PDE5A: variants seen among roughly 807,000 people sequenced by gnomAD.
PDE5A encodes phosphodiesterase 5A.
PDE5A carries 67 observed loss-of-function variants against 110.2 expected under a neutral mutation model. The ratio of observed to expected loss-of-function variants is 0.61; its 90% confidence interval spans 0.50 to 0.75. The LOEUF is 0.75. PDE5A is among the 30% of genes least tolerant of loss of function. The pLI is 0.00. For synonymous variants in PDE5A, 328 were observed against 351.2 expected, an observed-to-expected ratio of 0.93 and a Z score of 0.74; for missense variants, 862 against 1,045.1, an observed-to-expected ratio of 0.82 and a Z score of 2.42.
chr4:119,509,484 T>A (rs1725668568), intron 15 of PDE5A, among the ~76,000 whole-genome samples: 2 of 152,014 alleles, frequency 1.3e-5, no homozygotes, highest in Non-Finnish European at 2.9e-5. Context: ...TGCTCATTTT[T>A]AATATTCCTA....
At chr4:119,568,372 G>T (rs17050695) in intron 3 of PDE5A, among the ~76,000 whole-genome samples, 44,547 of 151,918 alleles carry the variant, frequency 0.29, 6,570 homozygotes, top group East Asian at 0.38. Context: ...GAATGTTCAC[G>T]GGAACTATAA....
chr4:119,508,374 G>A (rs548967079), intron 15 of PDE5A, among the ~76,000 whole-genome samples: 1 of 152,068 alleles, frequency 6.6e-6, no homozygotes, highest in Non-Finnish European at 1.5e-5. Flanking sequence ...AAGCATAGTG[G>A]TTCTCTAATC....
chr4:119,557,867 A>G (rs1727598486), intron 7 of PDE5A, among the ~76,000 whole-genome samples: 1 of 152,200 alleles, frequency 6.6e-6, no homozygotes, highest in African/African-American at 2.4e-5. Context: ...AGTAGTCTTT[A>G]CTTATTTAAT....
At position 119,563,718 on chromosome 4, in the gene PDE5A, G is replaced by T. The variant is rs548461997; in HGVS notation, c.994-748C>A. Among the ~76,000 whole-genome samples, 11 of 152,242 alleles carry T rather than the reference G, an allele frequency of 7.2e-5. No homozygotes were observed. In the South Asian group the frequency reaches 1.9e-3, roughly 26 times the overall value. ...GAGGTTGCAGCGTTAAGTAGAAAAA[G>T]AACCTGAAAAGCACTGTATGTCTTT... On this transcript the variant is annotated intron_variant, in intron 5 of 20. Transcript: ENST00000354960.
intron 2 of PDE5A, among the ~76,000 whole-genome samples, chr4:119,603,837 C>T (rs1450296162): frequency 6.6e-6 from 1 of 152,176 alleles, no homozygotes; most frequent in Admixed American, 6.5e-5. Context: ...TTAAGAAACA[C>T]TGCCATACAG....
At chr4:119,564,460 C>T (rs541263424) in intron 5 of PDE5A, among the ~76,000 whole-genome samples, 19 of 152,002 alleles carry the variant, frequency 1.2e-4, no homozygotes, top group Admixed American at 2.6e-4. Context: ...TCTAAGAAAG[C>T]AATGAAGAAA....
At chr4:119,588,841 A>G (rs1728865432) in intron 3 of PDE5A, among the ~76,000 whole-genome samples, 1 of 152,182 alleles carries the variant, frequency 6.6e-6, no homozygotes, top group South Asian at 2.1e-4. Flanking sequence ...AAATGCTAAG[A>G]TATTAGCTAA....
chr4:119,607,271 T>C lies in PDE5A; in HGVS notation c.179A>G (p.Glu60Gly). Residue 60 changes from glutamate to glycine, a missense_variant, in exon 2 of 21, where the codon GAG becomes GGG. Coordinates refer to ENST00000354960, the MANE Select transcript of PDE5A (RefSeq NM_001083.4). ...TREMVNAWFA[E>G]RVHTIPVCKE... ...GCACACAGGGATGGTGTGAACTCTC[T>C]CAGCAAACCATGCATTGACCATTTC... The C allele has an allele frequency of 6.2e-7, 1 of 1,611,938 alleles. No individual in the cohort carries two copies. Among genetic ancestry groups the C allele is most frequent in the Non-Finnish European group, 8.5e-7 (1 of 1,179,792 alleles).
At chr4:119,567,672 T>G (rs956649165) in intron 3 of PDE5A, among the ~76,000 whole-genome samples, 6 of 152,170 alleles carry the variant, frequency 3.9e-5, no homozygotes, top group Non-Finnish European at 8.8e-5. Context: ...CTTTTGAAAT[T>G]TCTGCCCTTG....
In PDE5A at chr4:119,627,093, C is replaced by T. The variant is rs2110572990; in HGVS notation, c.152+1427G>A. The T allele has an allele frequency of 6.2e-7, 1 of 1,605,894 alleles. No homozygotes were observed. The highest frequency in any genetic ancestry group is 1.7e-4 in the Middle Eastern group (1 of 6,042). ...GGGCGCCACCACCCAGCACCCGAGA[C>T]CCGCCGCGCCCCCGGAAAAAGTGGG... is the stretch of plus-strand genomic sequence containing the variant. On this transcript the variant is annotated intron_variant, in intron 1 of 20. Coordinates refer to ENST00000354960, the MANE Select transcript of PDE5A (RefSeq NM_001083.4). This position sits in a 1 kb window ranked among gnomAD's most constrained non-coding sequence, Gnocchi z 4.6.
chr4:119,583,024 T>A (rs12648259), intron 3 of PDE5A, among the ~76,000 whole-genome samples: 115,368 of 152,098 alleles, frequency 0.76, 44,099 homozygotes, highest in East Asian at 0.89. Flanking sequence ...GCCCATAACA[T>A]CAGAGTCGGC....
At chr4:119,510,555 A>G (rs1725701913) in intron 15 of PDE5A, among the ~76,000 whole-genome samples, 1 of 152,038 alleles carries the variant, frequency 6.6e-6, no homozygotes, top group African/African-American at 2.4e-5. Context: ...TTTCCTTAAC[A>G]TAAGTATGTT....
intron 19 of PDE5A, among the ~76,000 whole-genome samples, chr4:119,501,619 G>A (rs1277924566): frequency 6.6e-6 from 1 of 152,118 alleles, no homozygotes; most frequent in Non-Finnish European, 1.5e-5. Flanking sequence ...CACAAAGCTG[G>A]CTCTAGAAAG....
intron 10 of PDE5A, chr4:119,542,114 GGGGA>G (rs1407246834): frequency 1.1e-5 from 2 of 188,274 alleles, no homozygotes; most frequent in Non-Finnish European, 2.2e-5. Flanking sequence ...ACGGAAAGAT[GGGGA>G]GGCTCAGGCA....
chr4:119,502,524 C>T, intron 19 of PDE5A, 57 bp downstream of exon 19: 1 of 1,019,440 alleles, frequency 9.8e-7, no homozygotes, highest in East Asian at 2.4e-5. Context: ...AAAAAGGAGT[C>T]TACAATTAAA....
intron 1 of PDE5A, among the ~76,000 whole-genome samples, chr4:119,613,958 CATG>C (rs1729845413): frequency 6.6e-6 from 1 of 151,600 alleles, no homozygotes; most frequent in Non-Finnish European, 1.5e-5. Flanking sequence ...CAGTGCTTGC[CATG>C]AAGAAGGCAC....
At chr4:119,610,234 C>G (rs1729696317) in intron 1 of PDE5A, among the ~76,000 whole-genome samples, 1 of 152,140 alleles carries the variant, frequency 6.6e-6, no homozygotes, top group Non-Finnish European at 1.5e-5. Flanking sequence ...ATGTAGCCCC[C>G]AGAATTGCAC....
At chr4:119,540,639 C>T (rs1431103918) in intron 10 of PDE5A, among the ~76,000 whole-genome samples, 1 of 152,168 alleles carries the variant, frequency 6.6e-6, no homozygotes, top group Non-Finnish European at 1.5e-5. Context: ...AAATAACTTA[C>T]ACATGGGGCA....
At chr4:119,573,296 G>A (rs7692325) in intron 3 of PDE5A, among the ~76,000 whole-genome samples, 316 of 152,266 alleles carry the variant, frequency 2.1e-3, no homozygotes, top group Middle Eastern at 0.01. Context: ...ACCTTTACTA[G>A]CAAGGCCTAA....
Sources: allele counts gnomAD v4.1 joint callset (sites outside exome capture counted in the v4.1 genomes callset), GRCh38; gene constraint gnomAD v4.1.1; non-coding constraint Gnocchi (gnomAD v3.1); transcripts MANE v1.5; gene names NCBI Gene and HGNC (gene_info 2026-07-23, HGNC 2026-07-21).